TFB1M: variants seen among roughly 807,000 people sequenced by gnomAD.
TFB1M encodes the protein dimethyladenosine transferase 1, mitochondrial.
Under a neutral mutation model 31.1 loss-of-function variants are expected in TFB1M, and 27 were observed. The ratio of observed to expected loss-of-function variants is 0.87; its 90% CI spans 0.64 to 1.20. The LOEUF (loss-of-function observed/expected upper bound fraction) is 1.20, where lower values mean the gene tolerates loss of function less well. TFB1M is among the 50% of genes most tolerant of loss of function. TFB1M has a pLI of 0.00. For missense variants in TFB1M, 394 were observed against 418.7 expected, an observed-to-expected ratio of 0.94 and a Z score of 0.51; for synonymous variants, 166 against 151.8, an observed-to-expected ratio of 1.09 and a Z score of -0.69.
the TFB1M span, among the ~76,000 whole-genome samples, chr6:155,247,309 T>A: frequency 6.6e-6 from 1 of 152,198 alleles, no homozygotes; most frequent in African/African-American, 2.4e-5. Flanking sequence ...AGGGTCTGGA[T>A]AACATTGCTT....
At chr6:155,286,135 G>A (rs1776615885) in intron 4 of TFB1M, among the ~76,000 whole-genome samples, 1 of 152,052 alleles carries the variant, frequency 6.6e-6, no homozygotes, top group Admixed American at 6.6e-5. Flanking sequence ...TGTAGCAACT[G>A]CTAACAGAAA....
At chr6:155,307,323 A>C (rs324371) in intron 2 of TFB1M, among the ~76,000 whole-genome samples, 2,863 of 152,030 alleles carry the variant, frequency 0.019, 70 homozygotes, top group African/African-American at 0.049. Flanking sequence ...GCAATTTACA[A>C]AAGAGGTTTA....
intron 5 of TFB1M, among the ~76,000 whole-genome samples, chr6:155,272,601 G>A (rs752629432): frequency 7.9e-5 from 12 of 152,034 alleles, no homozygotes; most frequent in African/African-American, 1.9e-4. Flanking sequence ...GGCCACAAAC[G>A]GTATTATACT....
At chr6:155,238,222 G>A in the TFB1M span, among the ~76,000 whole-genome samples, 1 of 152,202 alleles carries the variant, frequency 6.6e-6, no homozygotes, top group Non-Finnish European at 1.5e-5. Flanking sequence ...ACAAGGGTCA[G>A]CTTTGCTCCA....
intron 5 of TFB1M, among the ~76,000 whole-genome samples, chr6:155,284,227 A>G (rs1776520301): frequency 6.6e-6 from 1 of 152,246 alleles, no homozygotes; most frequent in African/African-American, 2.4e-5. Flanking sequence ...TAGATCTAAC[A>G]CTATTGGTTA....
chr6:155,291,814 C>T (rs553935704), intron 4 of TFB1M, among the ~76,000 whole-genome samples: 7 of 152,142 alleles, frequency 4.6e-5, no homozygotes, highest in Admixed American at 3.3e-4. Flanking sequence ...GGAAATGATT[C>T]CCCTAAACAG....
At chr6:155,287,412 T>G (rs1308533621) in intron 4 of TFB1M, among the ~76,000 whole-genome samples, 1 of 151,950 alleles carries the variant, frequency 6.6e-6, no homozygotes, top group African/African-American at 2.4e-5. Flanking sequence ...AACGAAAAAA[T>G]AAACTGTGAT....
chr6:155,305,232 ATTAAAT>A, intron 2 of TFB1M, among the ~76,000 whole-genome samples: 1 of 48,800 alleles, frequency 2.0e-5, no homozygotes, highest in East Asian at 2.8e-3. Flanking sequence ...ATATATATAT[ATTAAAT>A]TATATATTTA....
At chr6:155,293,922 C>G (rs1478654739) in intron 4 of TFB1M, among the ~76,000 whole-genome samples, 2 of 152,104 alleles carry the variant, frequency 1.3e-5, no homozygotes, top group African/African-American at 4.8e-5. Flanking sequence ...TCAAATTCCC[C>G]TTTTAATTGG....
rs775651158 is a variant in TFB1M, at chr6:155,314,403, G to C, written c.26C>G (p.Thr9Ser). The change falls in exon 1 of 7, where the codon ACT (threonine) becomes AGT (serine). Residue 9 changes from threonine to serine, a missense_variant. This residue lies in a region of TFB1M where 273 missense variants were observed against 256.4 expected (regional missense o/e 1.06). Coordinates refer to ENST00000367166, the MANE Select transcript of TFB1M (RefSeq NM_016020.4). MAASGKLS[T>S]CRLPPLPTIR... ...CGTGGGCAACGGAGGGAGACGGCAA[G>C]TGCTGAGTTTTCCGGAGGCAGCCAT... 13 of 1,614,144 alleles carry C rather than the reference G, an allele frequency of 8.1e-6. No individual in the cohort carries two copies. The South Asian group carries it at 8.8e-5, about 11-fold the overall frequency.
chr6:155,248,194 G>T, the TFB1M span: 4 of 1,608,796 alleles, frequency 2.5e-6, no homozygotes, highest in East Asian at 6.7e-5. Flanking sequence ...GGCGGCGGCG[G>T]CACCTCCGGG....
chr6:155,275,840 A>T, intron 5 of TFB1M: 1 of 1,614,130 alleles, frequency 6.2e-7, no homozygotes, highest in East Asian at 2.2e-5. Flanking sequence ...CTCCAACATC[A>T]TAACAGCCAT....
intron 6 of TFB1M, among the ~76,000 whole-genome samples, 180 bp from the exon 7 acceptor site, chr6:155,258,262 A>G (rs1447910166): frequency 6.6e-6 from 1 of 152,208 alleles, no homozygotes; most frequent in African/African-American, 2.4e-5. Flanking sequence ...CCCGCCACTG[A>G]GGCAGCTCTA....
chr6:155,252,219 ATGCC>A (rs1173658151), downstream of TFB1M, among the ~76,000 whole-genome samples: 1 of 152,222 alleles, frequency 6.6e-6, no homozygotes, highest in East Asian at 1.9e-4. Context: ...ACGGTGGCTC[ATGCC>A]TGTAATCTCA....
chr6:155,293,153 A>C (rs1425686668), intron 4 of TFB1M, among the ~76,000 whole-genome samples: 1 of 134,988 alleles, frequency 7.4e-6, no homozygotes, highest in Non-Finnish European at 1.6e-5. Flanking sequence ...ATCTACTTTA[A>C]ATATCATACA....
intron 4 of TFB1M, among the ~76,000 whole-genome samples, chr6:155,295,746 C>T (rs1372236417): frequency 1.3e-5 from 2 of 152,180 alleles, no homozygotes; most frequent in African/African-American, 2.4e-5. Context: ...TGCATCTGTA[C>T]TGAACATGTA....
At chr6:155,249,429 G>A in the TFB1M span, among the ~76,000 whole-genome samples, 4 of 152,176 alleles carry the variant, frequency 2.6e-5, no homozygotes, top group Admixed American at 6.5e-5. Context: ...CTCCATTCTT[G>A]TGTTTTCCTC....
At chr6:155,302,472 CA>C (rs1354789930) in intron 2 of TFB1M, among the ~76,000 whole-genome samples, 2 of 152,110 alleles carry the variant, frequency 1.3e-5, no homozygotes, top group Non-Finnish European at 2.9e-5. Context: ...GCAGACTTTT[CA>C]GACTTTTAGA....
At chr6:155,305,571 A>T (rs1253879097) in intron 2 of TFB1M, among the ~76,000 whole-genome samples, 3 of 55,010 alleles carry the variant, frequency 5.5e-5, no homozygotes, top group Non-Finnish European at 8.6e-5. Context: ...TTATATATTT[A>T]TATATATATT....
Sources: allele counts gnomAD v4.1 joint callset (sites outside exome capture counted in the v4.1 genomes callset), GRCh38; gene constraint gnomAD v4.1.1; regional missense constraint gnomAD v4.1.1; transcripts MANE v1.5; gene names NCBI Gene and HGNC (gene_info 2026-07-23, HGNC 2026-07-21).